Variants in WDR70 observed in about 807,000 individuals in gnomAD.
The protein encoded by WDR70 is WD repeat domain 70, also known as WD repeat-containing protein 70.
In WDR70, 53 loss-of-function variants were observed where a neutral mutation model predicts 88.6. The observed-to-expected ratio is 0.60, with a 90% CI of 0.48 to 0.75. WDR70 has a LOEUF of 0.75. WDR70 is among the 30% of genes least tolerant of loss of function. The probability of loss-of-function intolerance (pLI) is 0.00; values close to 1 mark genes in which losing one functional copy is unlikely to be tolerated. For missense variants in WDR70, 610 were observed against 823.2 expected, an observed-to-expected ratio of 0.74 and a Z score of 3.17; for synonymous variants, 280 against 270.0, an observed-to-expected ratio of 1.04 and a Z score of -0.36.
intron 10 of WDR70, among the ~76,000 whole-genome samples, chr5:37,672,182 G>A (rs564656712): frequency 1.3e-5 from 2 of 152,188 alleles, no homozygotes; most frequent in East Asian, 1.9e-4. Context: ...CACAGTGCAC[G>A]GTGGAAAGCC....
chr5:37,598,671 TTC>T (rs1743771642), intron 9 of WDR70, among the ~76,000 whole-genome samples: 1 of 152,234 alleles, frequency 6.6e-6, no homozygotes, highest in African/African-American at 2.4e-5. Context: ...ATGGCTCCAG[TTC>T]TCTGAGTCTA....
intron 10 of WDR70, among the ~76,000 whole-genome samples, chr5:37,688,630 A>T (rs567755432): frequency 1.3e-5 from 2 of 150,030 alleles, no homozygotes; most frequent in South Asian, 4.4e-4. Flanking sequence ...TTGGTAGCAG[A>T]GTTTCGTTTG....
At position 37,396,551 on chromosome 5, in the gene WDR70, A is replaced by G. The variant is rs530293828; in HGVS notation, c.473A>G (p.Glu158Gly). Residue 158 changes from glutamate (E) to glycine (G), a missense_variant, in exon 5 of 18, where the codon GAG becomes GGG. Transcript: ENST00000265107. Reference sequence around the variant, plus strand: ...GAAGAAGAAGCAGAGGAAGAAGAAGAGGAAGAGGAGGAAGAGGAAGTAAGT... The same window carrying G: ...GAAGAAGAAGCAGAGGAAGAAGAAGGGGAAGAGGAGGAAGAGGAAGTAAGT... ...EEEEEAEEEE[E>G]EEEEEENPVH... The G allele has an allele frequency of 1.9e-6, 3 of 1,610,312 alleles. No homozygotes were observed. Among genetic ancestry groups the G allele is most frequent in the East Asian group, 2.2e-5 (1 of 44,820 alleles).
chr5:37,505,676 C>G (rs1740537869), intron 8 of WDR70: 2 of 833,898 alleles, frequency 2.4e-6, no homozygotes. Flanking sequence ...CTTCCTCTAG[C>G]CCCTAAAATT....
intron 8 of WDR70, among the ~76,000 whole-genome samples, chr5:37,483,472 A>G (rs540605884): frequency 1.2e-3 from 188 of 152,388 alleles, no homozygotes; most frequent in Non-Finnish European, 2.3e-3. Context: ...CTTAGTACAG[A>G]ACAAAATGAA....
intron 9 of WDR70, among the ~76,000 whole-genome samples, chr5:37,524,780 G>C (rs1399584779): frequency 1.3e-5 from 2 of 152,162 alleles, no homozygotes; most frequent in East Asian, 3.8e-4. Context: ...TAAAAGGATG[G>C]AGGAAGATCT....
chr5:37,475,466 T>C lies in WDR70; in HGVS notation c.687-4368T>C, dbSNP rs551058325. On this transcript the variant is annotated intron_variant, in intron 7 of 17. Transcript: ENST00000265107. ...TTGGTCAGGCTGGTCTTGAACTCCC[T>C]ATCTCAGGTGATCCAGCTGCCTTGG... 3.3e-5 allele frequency among the ~76,000 whole-genome samples: 5 copies of C among 151,282 alleles called. No homozygotes were observed. The South Asian group carries it at 1.1e-3, about 32-fold the overall frequency.
At chr5:37,415,018 ACAAAG>A (rs1749656322) in intron 5 of WDR70, among the ~76,000 whole-genome samples, 1 of 151,178 alleles carries the variant, frequency 6.6e-6, no homozygotes, top group Non-Finnish European at 1.5e-5. Context: ...CATCTGTTTA[ACAAAG>A]CACATCTTGC....
At chr5:37,519,218 T>C (rs186684608) in intron 9 of WDR70, among the ~76,000 whole-genome samples, 30 of 152,310 alleles carry the variant, frequency 2.0e-4, no homozygotes, top group Admixed American at 1.9e-3. Flanking sequence ...AGCTGTTGGG[T>C]ACACCTCCCA....
intron 8 of WDR70, among the ~76,000 whole-genome samples, chr5:37,497,275 T>C (rs1214347142): frequency 7.3e-6 from 1 of 137,388 alleles, no homozygotes. Flanking sequence ...CTCCCTCCCT[T>C]TTCCCTCCCT....
At chr5:37,520,110 C>G (rs954597655) in intron 9 of WDR70, among the ~76,000 whole-genome samples, 2 of 152,012 alleles carry the variant, frequency 1.3e-5, no homozygotes, top group African/African-American at 4.8e-5. Flanking sequence ...AATAAAAAAT[C>G]TTGAAAGTTA....
intron 9 of WDR70, among the ~76,000 whole-genome samples, chr5:37,587,778 CT>C (rs55980790): frequency 0.094 from 11,511 of 122,674 alleles, 1,180 homozygotes; most frequent in African/African-American, 0.32. Context: ...AAGCCCTATT[CT>C]TTTTTTTTTT....
At chr5:37,642,555 G>T (rs1745131567) in intron 10 of WDR70, among the ~76,000 whole-genome samples, 1 of 152,038 alleles carries the variant, frequency 6.6e-6, no homozygotes, top group Non-Finnish European at 1.5e-5. Context: ...AAACAAATCA[G>T]TTTGGCAAAA....
chr5:37,725,399 C>CAA (rs978302835), intron 16 of WDR70, among the ~76,000 whole-genome samples: 3 of 151,950 alleles, frequency 2.0e-5, no homozygotes, highest in Admixed American at 1.3e-4. Flanking sequence ...GCTTAATGTA[C>CAA]AACACTGGGC....
chr5:37,626,546 C>T (rs147878551), intron 10 of WDR70, among the ~76,000 whole-genome samples: 1 of 152,246 alleles, frequency 6.6e-6, no homozygotes, highest in East Asian at 1.9e-4. Flanking sequence ...CAACAGTGTT[C>T]ATCAGGGATA....
At chr5:37,708,384 C>A (rs976700436) in intron 13 of WDR70, among the ~76,000 whole-genome samples, 3 of 151,536 alleles carry the variant, frequency 2.0e-5, no homozygotes, top group African/African-American at 7.3e-5. Context: ...ATTGAAAAGG[C>A]CTGGTGTGGT....
intron 10 of WDR70, among the ~76,000 whole-genome samples, chr5:37,607,032 G>A (rs535740596): frequency 1.3e-5 from 2 of 150,268 alleles, no homozygotes; most frequent in South Asian, 4.3e-4. Context: ...TCTGCCTCTC[G>A]GGTTCAGGCA....
intron 9 of WDR70, among the ~76,000 whole-genome samples, chr5:37,582,263 A>G: frequency 6.6e-6 from 1 of 152,210 alleles, no homozygotes; most frequent in East Asian, 1.9e-4. Context: ...AGTTAACTAT[A>G]GGGATAGGTG....
intron 5 of WDR70, among the ~76,000 whole-genome samples, chr5:37,427,549 A>G (rs1448039946): frequency 6.6e-6 from 1 of 152,050 alleles, no homozygotes; most frequent in Non-Finnish European, 1.5e-5. Context: ...TATTCCTAAT[A>G]GGATTCTCAG....
Sources: allele counts gnomAD v4.1 joint callset (sites outside exome capture counted in the v4.1 genomes callset), GRCh38; gene constraint gnomAD v4.1.1; transcripts MANE v1.5; gene names NCBI Gene and HGNC (gene_info 2026-07-23, HGNC 2026-07-21).